The following NIPAL3 variants were observed in gnomAD, a reference collection of about 807,000 sequenced individuals.
NIPAL3 encodes the protein NIPA like domain containing 3.
In NIPAL3, 41 loss-of-function variants were observed where a neutral mutation model predicts 47.2. The ratio of observed to expected loss-of-function variants is 0.87; its 90% CI spans 0.68 to 1.13. The LOEUF is 1.13. Among genes scored for constraint, NIPAL3 ranks in the 50% most tolerant of loss-of-function variants. The probability of loss-of-function intolerance (pLI) is 0.00; values close to 1 mark genes in which losing one functional copy is unlikely to be tolerated. For synonymous variants in NIPAL3, 194 were observed against 209.6 expected, an observed-to-expected ratio of 0.93 and a Z score of 0.64; for missense variants, 449 against 530.1, an observed-to-expected ratio of 0.85 and a Z score of 1.50.
chr1:24,453,600 G>A, intron 7 of NIPAL3, 96 bp downstream of exon 7: 2 of 966,260 alleles, frequency 2.1e-6, no homozygotes, highest in Non-Finnish European at 3.2e-6. Flanking sequence ...GCTGGGCACA[G>A]AAGTTGCTTG....
rs1645309757 is a variant in NIPAL3, at chr1:24,440,188, C to T, written c.110C>T (p.Ala37Val). ...TCCTTACAGGAAAACCTGATTGGCGCCCTCTTGGCGATCTTCGGGCACCTC... is the reference window on the plus strand; with the variant it reads ...TCCTTACAGGAAAACCTGATTGGCGTCCTCTTGGCGATCTTCGGGCACCTC... ...SFSYKENLIG[A>V]LLAIFGHLVV... The change falls in exon 3 of 12, where the codon GCC (alanine) becomes GTC (valine). Residue 37 changes from alanine to valine, a missense_variant. By Grantham distance (64) the Ala-to-Val change is moderately conservative. Coordinates refer to ENST00000374399, the MANE Select transcript of NIPAL3 (RefSeq NM_020448.5). 6.3e-7 allele frequency: 1 copy of T among 1,590,576 alleles called. No homozygotes were observed. The highest frequency in any genetic ancestry group is 8.6e-7 in the Non-Finnish European group (1 of 1,169,152).
In NIPAL3 at chr1:24,469,404, G is replaced by A. The variant is rs904769972; in HGVS notation, c.*219G>A. On this transcript the variant is annotated 3_prime_UTR_variant, in exon 12 of 12. Coordinates refer to ENST00000374399, the MANE Select transcript of NIPAL3 (RefSeq NM_020448.5). The stretch of plus-strand genomic sequence containing the variant: ...GATGGAAGCATTATTCCAGGTGGAC[G>A]GGATAGAATCCAGCCTCTGCCTGGA... 28 of 526,700 alleles carry A rather than the reference G, an allele frequency of 5.3e-5. No homozygotes were observed. The highest frequency in any genetic ancestry group is 4.8e-4 in the Admixed American group (15 of 31,312). The allele number at this position is 526,700 out of a possible 1,614,324, so 32.6% of individuals were successfully genotyped here. A position where few individuals can be genotyped will look rare whatever the true frequency, so the allele number is the denominator to read the frequency against.
At chr1:24,466,298 T>C (rs1646696409) in intron 11 of NIPAL3, 2 of 411,506 alleles carry the variant, frequency 4.9e-6, no homozygotes. Context: ...AGGGTTTTTT[T>C]CCTAAAATTA....
At chr1:24,425,221 T>G (rs895198878) in intron 2 of NIPAL3, among the ~76,000 whole-genome samples, 1 of 152,236 alleles carries the variant, frequency 6.6e-6, no homozygotes, top group Non-Finnish European at 1.5e-5. Context: ...GGGAGCTATA[T>G]AGATCAAGCT....
Position 24,453,425 on chromosome 1 carries a change from G to A in NIPAL3, c.558G>A (p.Leu186=). The change falls in exon 7 of 12, where the codon CTG becomes CTA. Residue 186 remains leucine (L), a synonymous_variant. Transcript: ENST00000374399. ...TTCCACAGCTGGTGGAGATCATTCT[G>A]TTCTGCTTGCTGCTCTACTTCTACA... ...FLLYMLVEII[L]FCLLLYFYKE... is the part of the protein sequence containing the mutation. 1 of 1,613,226 alleles carries A rather than the reference G, an allele frequency of 6.2e-7. No individual in the cohort carries two copies. The highest frequency in any genetic ancestry group is 8.5e-7 in the Non-Finnish European group (1 of 1,179,592).
Position 24,467,213 on chromosome 1 carries a change from C to T in NIPAL3, c.1022-1773C>T, listed in dbSNP as rs182300665. ...GCACGGTGGCTCACGCCTGTAATCCCAGCATTTTGGGAGGCCGAGGCGGGC... is the reference window on the plus strand; with the variant it reads ...GCACGGTGGCTCACGCCTGTAATCCTAGCATTTTGGGAGGCCGAGGCGGGC... On this transcript the variant is annotated intron_variant, in intron 11 of 11. Transcript: ENST00000374399. 4.7e-4 allele frequency among the ~76,000 whole-genome samples: 72 copies of T among 152,206 alleles called. 2 individuals are homozygous for T. Among genetic ancestry groups the T allele is most frequent in the Admixed American group, 3.0e-3 (46 of 15,282 alleles).
chr1:24,439,518 A>G (rs760261259), intron 2 of NIPAL3, among the ~76,000 whole-genome samples: 10 of 152,116 alleles, frequency 6.6e-5, no homozygotes, highest in Non-Finnish European at 1.3e-4. Context: ...TGACTTTTCT[A>G]TTATGGTGGT....
Position 24,449,585 on chromosome 1 carries a change from G to A in NIPAL3, c.499G>A (p.Val167Ile), listed in dbSNP as rs1307715730. 1.2e-6 allele frequency: 2 copies of A among 1,613,968 alleles called. No individual in the cohort carries two copies. Among genetic ancestry groups the A allele is most frequent in the Admixed American group, 1.7e-5 (1 of 60,008 alleles). The change falls in exon 6 of 12, where the codon GTC becomes ATC. Residue 167 changes from valine (V) to isoleucine (I), a missense_variant. Val to Ile is a conservative substitution (Grantham distance 29). Transcript: ENST00000374399. This position sits in a 1 kb window ranked among gnomAD's most constrained non-coding sequence, Gnocchi z 4.5. ...NSHEKMTGEN[V>I]TRHLVSWPFL... is the part of the protein sequence containing the mutation. ...TCACGAGAAGATGACAGGCGAGAAT[G>A]TCACCAGGCACCTCGTGAGCTGGCC...
Position 24,416,450 on chromosome 1 carries a change from C to T in NIPAL3, c.-258+546C>T. On this transcript the variant is annotated intron_variant, in intron 1 of 11. Coordinates refer to ENST00000374399, the MANE Select transcript of NIPAL3 (RefSeq NM_020448.5). This position sits in a 1 kb window ranked among gnomAD's most constrained non-coding sequence, Gnocchi z 4.8. Reference sequence around the variant, plus strand: ...AAAGAGCGTGTTTTATTGATTTGTTCAGAAAGAGGCAAATTCGAATACAGA... The same window carrying T: ...AAAGAGCGTGTTTTATTGATTTGTTTAGAAAGAGGCAAATTCGAATACAGA... 1.9e-6 allele frequency: 1 copy of T among 530,902 alleles called. No individual in the cohort carries two copies. Among genetic ancestry groups the T allele is most frequent in the South Asian group, 8.2e-5 (1 of 12,256 alleles). 32.9% of individuals were successfully genotyped at this position (530,902 alleles called of 1,614,324 possible).
chr1:24,420,595 C>G (rs1238582432), intron 2 of NIPAL3, among the ~76,000 whole-genome samples: 3 of 152,118 alleles, frequency 2.0e-5, no homozygotes, highest in Non-Finnish European at 2.9e-5. Flanking sequence ...CAGTATATCT[C>G]CTTGTTTTTT....
At chr1:24,467,686 A>G (rs530309961) in intron 11 of NIPAL3, among the ~76,000 whole-genome samples, 1 of 152,294 alleles carries the variant, frequency 6.6e-6, no homozygotes, top group African/African-American at 2.4e-5. Context: ...TAAATACTCA[A>G]TACACATAAG....
At chr1:24,432,617 C>G (rs763314401) in intron 2 of NIPAL3, among the ~76,000 whole-genome samples, 2 of 152,174 alleles carry the variant, frequency 1.3e-5, no homozygotes, top group African/African-American at 2.4e-5. Context: ...GTCAGACTAC[C>G]TGGGTTCCCA....
chr1:24,448,676 G>T (rs1645786349), intron 5 of NIPAL3, among the ~76,000 whole-genome samples: 1 of 151,428 alleles, frequency 6.6e-6, no homozygotes, highest in South Asian at 2.1e-4. Flanking sequence ...GTGTTGACAA[G>T]AATGTAACTA....
chr1:24,435,280 A>C (rs939369315), intron 2 of NIPAL3, among the ~76,000 whole-genome samples: 2 of 152,260 alleles, frequency 1.3e-5, no homozygotes, highest in Non-Finnish European at 2.9e-5. Context: ...CGGAGAGCTA[A>C]ATGTAAGAGC....
rs1428247989 is a variant in NIPAL3 at position 24,470,939 on chromosome 1, G to C, written c.*1754G>C. On this transcript the variant is annotated 3_prime_UTR_variant, in exon 12 of 12. Transcript: ENST00000374399. ...TGTGCTAAGCATTTGGAAGACCCAG[G>C]CTACAAAATAAGACATAGTTCCTGC... 6.6e-6 allele frequency: 1 copy of C among 152,204 alleles called. No homozygotes were observed. Among genetic ancestry groups the C allele is most frequent in the East Asian group, 1.9e-4 (1 of 5,190 alleles). 9.4% of individuals were successfully genotyped at this position (152,204 alleles called of 1,614,324 possible).
chr1:24,460,657 C>T, intron 10 of NIPAL3, 113 bp downstream of exon 10: 1 of 853,778 alleles, frequency 1.2e-6, no homozygotes. Context: ...GTCAGAGGAG[C>T]TGTGGGGTTT....
chr1:24,443,740 T>C (rs1374806356), intron 4 of NIPAL3, among the ~76,000 whole-genome samples: 1 of 152,240 alleles, frequency 6.6e-6, no homozygotes, highest in Non-Finnish European at 1.5e-5. Flanking sequence ...CACAGTACTT[T>C]TTTAATGTAA....
rs529881800 is a variant in NIPAL3, at chr1:24,466,285, A to G, written c.1021+2165A>G. On this transcript the variant is annotated intron_variant, in intron 11 of 11. Coordinates refer to ENST00000374399, the MANE Select transcript of NIPAL3 (RefSeq NM_020448.5). Reference sequence around the variant, plus strand: ...GGACACAAGCAGGTGGAATGGGAAGAAAAGGGTTTTTTTCCTAAAATTAAA... The same window carrying G: ...GGACACAAGCAGGTGGAATGGGAAGGAAAGGGTTTTTTTCCTAAAATTAAA... 4.0e-4 allele frequency: 180 copies of G among 447,484 alleles called. 5 individuals carry two copies. In the South Asian group the frequency reaches 8.5e-3, roughly 21 times the overall value. 27.7% of individuals were successfully genotyped at this position (447,484 alleles called of 1,614,324 possible).
intron 2 of NIPAL3, among the ~76,000 whole-genome samples, chr1:24,432,719 G>T (rs752863455): frequency 6.6e-6 from 1 of 152,156 alleles, no homozygotes; most frequent in Non-Finnish European, 1.5e-5. Context: ...TGCCTTAAAA[G>T]GTTGTTATGA....
Sources: allele counts gnomAD v4.1 joint callset (sites outside exome capture counted in the v4.1 genomes callset), GRCh38; gene constraint gnomAD v4.1.1; non-coding constraint Gnocchi (gnomAD v3.1); transcripts MANE v1.5; gene names NCBI Gene and HGNC (gene_info 2026-07-23, HGNC 2026-07-21).